The following SLCO1B3 variants were observed in gnomAD, a reference collection of about 807,000 sequenced individuals.
SLCO1B3 encodes the protein solute carrier organic anion transporter family member 1B3.
SLCO1B3 carries 72 observed loss-of-function variants against 71.8 expected under a neutral mutation model. The observed-to-expected ratio is 1.00, with a 90% CI of 0.83 to 1.22. The LOEUF (loss-of-function observed/expected upper bound fraction) is 1.22. SLCO1B3 is among the 50% of genes most tolerant of loss of function. The probability of loss-of-function intolerance (pLI) is 0.00; values close to 1 mark genes in which losing one functional copy is unlikely to be tolerated. For missense variants in SLCO1B3, 911 were observed against 819.7 expected, an observed-to-expected ratio of 1.11 and a Z score of -1.36; for synonymous variants, 298 against 278.4, an observed-to-expected ratio of 1.07 and a Z score of -0.70.
At chr12:20,829,918 C>G (rs1215763523) in intron 3 of SLCO1B3, among the ~76,000 whole-genome samples, 1 of 152,126 alleles carries the variant, frequency 6.6e-6, no homozygotes, top group Non-Finnish European at 1.5e-5. Flanking sequence ...CCAGAAGTCA[C>G]TCTGTGGCCA....
intron 3 of SLCO1B3, among the ~76,000 whole-genome samples, chr12:20,841,725 C>A (rs1482571122): frequency 6.6e-6 from 1 of 152,104 alleles, no homozygotes; most frequent in Non-Finnish European, 1.5e-5. Context: ...TCACCCTCCT[C>A]CTACCCTCCA....
At position 20,861,222 on chromosome 12, in the gene SLCO1B3, A is replaced by G. The variant is rs1865258964; in HGVS notation, c.481+84A>G. ...TAAAGTTTCTGATATTCTTTAACAA[A>G]ATTGATTTAAGAACAAATAGGAAGA... On this transcript the variant is annotated intron_variant, in intron 6 of 15. Coordinates refer to ENST00000381545, the MANE Select transcript of SLCO1B3 (RefSeq NM_019844.4). 2.4e-6 allele frequency: 3 copies of G among 1,250,438 alleles called. No individual in the cohort carries two copies. In the Admixed American group the frequency reaches 7.9e-5, roughly 33 times the overall value. 77.5% of individuals were successfully genotyped at this position (1,250,438 alleles called of 1,614,324 possible). A position where few individuals can be genotyped will look rare whatever the true frequency, so the allele number is the denominator to read the frequency against.
intron 4 of SLCO1B3, among the ~76,000 whole-genome samples, chr12:20,856,932 A>G (rs1276218936): frequency 1.3e-5 from 2 of 151,554 alleles, no homozygotes; most frequent in Non-Finnish European, 2.9e-5. Context: ...CTTAGAACCA[A>G]TAACCAGTGG....
intron 1 of SLCO1B3, among the ~76,000 whole-genome samples, chr12:20,812,481 G>A (rs370840229): frequency 9.0e-4 from 137 of 152,216 alleles, no homozygotes; most frequent in African/African-American, 3.2e-3. Flanking sequence ...CAAGAGATAG[G>A]GAAGGACATT....
intron 14 of SLCO1B3, 91 bp downstream of exon 14, chr12:20,898,591 CTG>C (rs759006957): frequency 5.3e-5 from 31 of 584,794 alleles, no homozygotes; most frequent in African/African-American, 3.9e-4. Flanking sequence ...AACTATAAGA[CTG>C]TATAAAAAAG....
chr12:20,837,354 T>A (rs951876334), intron 3 of SLCO1B3, among the ~76,000 whole-genome samples: 3 of 152,094 alleles, frequency 2.0e-5, no homozygotes, highest in African/African-American at 7.2e-5. Flanking sequence ...TTTCTTCTTC[T>A]TGCTTTGAAT....
chr12:20,858,491 A>G lies in SLCO1B3; in HGVS notation c.279A>G (p.Arg93=). ...GTTACTTTGGATCTAAACTACACAG[A>G]CCGAAGTTAATTGGAATTGGTTGTC... ...FVSYFGSKLH[R]PKLIGIGCLL... The change falls in exon 5 of 16, where the codon AGA becomes AGG. Residue 93 remains arginine, a synonymous_variant. Transcript: ENST00000381545. 6.3e-7 allele frequency: 1 copy of G among 1,598,596 alleles called. No homozygotes were observed. The highest frequency in any genetic ancestry group is 1.3e-5 in the African/African-American group (1 of 74,858).
chr12:20,844,886 C>T lies in SLCO1B3; in HGVS notation c.85-10142C>T, dbSNP rs545614225. 1.1e-4 allele frequency among the ~76,000 whole-genome samples: 17 copies of T among 151,790 alleles called. 1 individual carries two copies. The East Asian group carries it at 3.3e-3, about 30-fold the overall frequency. On this transcript the variant is annotated intron_variant, in intron 3 of 15. Transcript: ENST00000381545. ...CTCTATTAAAAATACAAAAATTAGC[C>T]AGGTGTGGTGGTGCATGCCTGTAAT... is the stretch of plus-strand genomic sequence containing the variant.
At chr12:20,821,140 G>A (rs1035322584) in intron 3 of SLCO1B3, among the ~76,000 whole-genome samples, 1 of 152,044 alleles carries the variant, frequency 6.6e-6, no homozygotes, top group Non-Finnish European at 1.5e-5. Context: ...CAGGCGGGAG[G>A]GAAAGAAGGA....
chr12:20,881,587 C>G (rs1224774154), intron 12 of SLCO1B3, among the ~76,000 whole-genome samples: 1 of 152,082 alleles, frequency 6.6e-6, no homozygotes, highest in Non-Finnish European at 1.5e-5. Context: ...CCAAAGCTGG[C>G]ACTTCTTTTA....
At chr12:20,880,196 CTT>C (rs1865662532) in intron 11 of SLCO1B3, among the ~76,000 whole-genome samples, 2 of 150,978 alleles carry the variant, frequency 1.3e-5, no homozygotes, top group African/African-American at 4.9e-5. Context: ...AAAATTATAT[CTT>C]ATGATTTATA....
intron 3 of SLCO1B3, among the ~76,000 whole-genome samples, chr12:20,833,153 T>C (rs543918121): frequency 2.0e-5 from 3 of 152,300 alleles, no homozygotes; most frequent in Admixed American, 2.0e-4. Flanking sequence ...GTCACATGGA[T>C]GCTTCTTTCA....
chr12:20,837,663 T>C (rs1014593963), intron 3 of SLCO1B3, among the ~76,000 whole-genome samples: 1 of 152,284 alleles, frequency 6.6e-6, no homozygotes, highest in Non-Finnish European at 1.5e-5. Context: ...ATTCTATTGT[T>C]GTCTGAGAAC....
chr12:20,884,773 A>C (rs77368892), intron 13 of SLCO1B3, among the ~76,000 whole-genome samples: 1 of 146,846 alleles, frequency 6.8e-6, no homozygotes, highest in South Asian at 2.1e-4. Context: ...GACATGGTAG[A>C]AAAAAAAAAA....
At chr12:20,854,762 T>A (rs1269505206) in intron 3 of SLCO1B3, among the ~76,000 whole-genome samples, 1 of 152,172 alleles carries the variant, frequency 6.6e-6, no homozygotes. Context: ...ATAAATCAGT[T>A]AATGAAATTA....
At chr12:20,899,959 A>T (rs1362939535) in intron 14 of SLCO1B3, among the ~76,000 whole-genome samples, 1 of 152,216 alleles carries the variant, frequency 6.6e-6, no homozygotes, top group African/African-American at 2.4e-5. Flanking sequence ...TGTAAATGGT[A>T]GAAGACCTAT....
chr12:20,884,990 A>G (rs1865764744), intron 13 of SLCO1B3, among the ~76,000 whole-genome samples: 1 of 152,158 alleles, frequency 6.6e-6, no homozygotes, highest in African/African-American at 2.4e-5. Context: ...TCATTAACTT[A>G]TAAAAATTCA....
chr12:20,890,709 G>A (rs1221869956), intron 13 of SLCO1B3, among the ~76,000 whole-genome samples: 1 of 152,066 alleles, frequency 6.6e-6, no homozygotes, highest in South Asian at 2.1e-4. Context: ...CCAATGTTGG[G>A]TTTATATGTT....
At position 20,879,441 on chromosome 12, in the gene SLCO1B3, A is replaced by ATT; in HGVS notation, c.1142_1143insTT (p.Thr382Ter). ...TTCTCTTCTTTTATTTCTAGGAATCATAACCATTCCTACGGTTGCAACTGG... is the reference window on the plus strand; with the variant it reads ...TTCTCTTCTTTTATTTCTAGGAATCATTTAACCATTCCTACGGTTGCAACTGG... On this transcript the variant is annotated frameshift_variant, in exon 11 of 16. Coordinates refer to ENST00000381545, the MANE Select transcript of SLCO1B3 (RefSeq NM_019844.4). LOFTEE classifies it high-confidence loss of function. 1 of 1,585,018 alleles carries ATT rather than the reference A, an allele frequency of 6.3e-7. No individual in the cohort carries two copies. The highest frequency in any genetic ancestry group is 8.6e-7 in the Non-Finnish European group (1 of 1,160,088).
Sources: allele counts gnomAD v4.1 joint callset (sites outside exome capture counted in the v4.1 genomes callset), GRCh38; gene constraint gnomAD v4.1.1; transcripts MANE v1.5; gene names NCBI Gene and HGNC (gene_info 2026-07-23, HGNC 2026-07-21).